PCDH11X: variants seen among roughly 807,000 people sequenced by gnomAD.
PCDH11X encodes the protein protocadherin 11 X-linked, also known as protocadherin-11 X-linked.
A neutral mutation model predicts 53.3 loss-of-function variants in PCDH11X; 18 were observed. The ratio of observed to expected loss-of-function variants is 0.34; its 90% CI spans 0.23 to 0.50. PCDH11X has a LOEUF of 0.50. Ranked by LOEUF, PCDH11X falls within the 20% of genes least tolerant of loss-of-function variation. The probability of loss-of-function intolerance (pLI) is 0.98; values close to 1 mark genes in which losing one functional copy is unlikely to be tolerated. For synonymous variants in PCDH11X, 279 were observed against 393.3 expected (o/e 0.71, Z 3.44); for missense variants, 570 against 1,032.4 (o/e 0.55, Z 6.14).
At chrX:92,072,521 G>T (rs901773862) in intron 6 of PCDH11X, among the ~76,000 whole-genome samples, 1 of 111,166 alleles carries the variant, frequency 9.0e-6, no homozygotes, top group Admixed American at 9.5e-5. Flanking sequence ...ATGCTGACAG[G>T]ACTGCATCCT....
At chrX:92,101,659 G>C (rs191808733) in intron 6 of PCDH11X, among the ~76,000 whole-genome samples, 1 of 109,956 alleles carries the variant, frequency 9.1e-6, no homozygotes, top group African/African-American at 3.4e-5. Context: ...GGCCTTCTCA[G>C]ACCCTGTAGG....
At chrX:92,136,835 C>G (rs1054741291) in intron 6 of PCDH11X, among the ~76,000 whole-genome samples, 1 of 109,314 alleles carries the variant, frequency 9.1e-6, no homozygotes, top group Non-Finnish European at 1.9e-5. Flanking sequence ...AACAGGATCA[C>G]TTTATCTACT....
At chrX:91,948,100 G>T (rs772059929) in intron 6 of PCDH11X, among the ~76,000 whole-genome samples, 1 of 102,822 alleles carries the variant, frequency 9.7e-6, no homozygotes, top group African/African-American at 3.4e-5. Flanking sequence ...CATGTAAGCA[G>T]TCTTACTATT....
intron 6 of PCDH11X, among the ~76,000 whole-genome samples, chrX:92,062,024 A>G (rs941670014): frequency 2.7e-5 from 3 of 110,882 alleles, no homozygotes; most frequent in African/African-American, 6.6e-5. Context: ...CATAGTAGAG[A>G]CATTTCATTT....
chrX:92,406,167 T>C (rs2071509677), intron 9 of PCDH11X, among the ~76,000 whole-genome samples: 1 of 109,994 alleles, frequency 9.1e-6, no homozygotes, highest in South Asian at 3.9e-4. Flanking sequence ...CATTTATTTA[T>C]ATGCATATAG....
In PCDH11X at chrX:92,621,885, T is replaced by C. The variant is rs2148825264; in HGVS notation, c.*2945T>C. 1 of 110,665 alleles carries C rather than the reference T, an allele frequency of 9.0e-6. No individual in the cohort carries two copies. The highest frequency in any genetic ancestry group is 3.3e-5 in the African/African-American group (1 of 30,445). 9.1% of individuals were successfully genotyped at this position (110,665 alleles called of 1,213,427 possible). Reference sequence around the variant, plus strand: ...ATAATACGTTCAATCAAAGTAGTTATTCTATTTTGTGTCCATATTCCATTA... The same window carrying C: ...ATAATACGTTCAATCAAAGTAGTTACTCTATTTTGTGTCCATATTCCATTA... On this transcript the variant is annotated 3_prime_UTR_variant, in exon 11 of 11. Transcript: ENST00000682573.
chrX:91,813,592 A>G (rs2563667), intron 4 of PCDH11X, among the ~76,000 whole-genome samples: 8,010 of 103,737 alleles, frequency 0.077, 1,374 homozygotes, highest in African/African-American at 0.31. Context: ...GCTAGGCCTC[A>G]GAGTTTAGAT....
intron 4 of PCDH11X, among the ~76,000 whole-genome samples, chrX:91,818,705 A>C (rs1936534373): frequency 9.1e-6 from 1 of 109,935 alleles, no homozygotes; most frequent in Non-Finnish European, 1.9e-5. Flanking sequence ...TCTCAAAAAA[A>C]AAAAAAATGT....
chrX:92,440,026 G>A (rs1388627031), intron 9 of PCDH11X, among the ~76,000 whole-genome samples: 1 of 88,797 alleles, frequency 1.1e-5, no homozygotes, highest in Non-Finnish European at 2.3e-5. Context: ...TTATTATGGA[G>A]TGTGAACATG....
intron 8 of PCDH11X, among the ~76,000 whole-genome samples, chrX:92,332,939 A>G (rs1284801540): frequency 8.9e-6 from 1 of 112,218 alleles, no homozygotes; most frequent in African/African-American, 3.2e-5. Context: ...TGGAAACTTA[A>G]CAACTTGGGT....
chrX:92,143,660 G>A (rs145718840), intron 6 of PCDH11X, among the ~76,000 whole-genome samples: 2,073 of 112,469 alleles, frequency 0.018, 38 homozygotes, highest in African/African-American at 0.062. Context: ...CTGCAGGGGC[G>A]GGGTACTCAT....
chrX:92,495,279 T>C (rs1416448903), intron 10 of PCDH11X, among the ~76,000 whole-genome samples: 1 of 110,162 alleles, frequency 9.1e-6, no homozygotes. Flanking sequence ...ACAATCCAGA[T>C]AATCTTAGGT....
intron 6 of PCDH11X, among the ~76,000 whole-genome samples, chrX:92,151,580 CATATT>C (rs1202640486): frequency 9.0e-6 from 1 of 111,376 alleles, no homozygotes; most frequent in East Asian, 2.8e-4. Context: ...TGTTAATTGG[CATATT>C]ATATTTATTT....
At chrX:92,386,104 C>T (rs1453488794) in intron 8 of PCDH11X, among the ~76,000 whole-genome samples, 1 of 111,396 alleles carries the variant, frequency 9.0e-6, no homozygotes, top group Non-Finnish European at 1.9e-5. Flanking sequence ...TTACATATTA[C>T]ATGCATTAGT....
chrX:92,528,930 G>T (rs764701580), intron 10 of PCDH11X, among the ~76,000 whole-genome samples: 1 of 110,275 alleles, frequency 9.1e-6, no homozygotes, highest in East Asian at 2.9e-4. Flanking sequence ...GTGCAGGATT[G>T]ATAAAGGTCA....
At chrX:92,244,714 T>C (rs2067316866) in intron 7 of PCDH11X, among the ~76,000 whole-genome samples, 1 of 111,558 alleles carries the variant, frequency 9.0e-6, no homozygotes, top group African/African-American at 3.3e-5. Context: ...AACAAAGTAG[T>C]TGGAGTAATT....
At chrX:92,079,558 G>A (rs1381539885) in intron 6 of PCDH11X, among the ~76,000 whole-genome samples, 2 of 110,314 alleles carry the variant, frequency 1.8e-5, no homozygotes, top group African/African-American at 3.3e-5. Context: ...ACTTATGAAG[G>A]CCATTTTCTC....
chrX:91,928,511 A>G (rs1602509896), intron 6 of PCDH11X, among the ~76,000 whole-genome samples: 1 of 96,520 alleles, frequency 1.0e-5, no homozygotes, highest in Non-Finnish European at 2.1e-5. Context: ...ATTTTATTAT[A>G]TTTACTAAAC....
chrX:91,965,600 T>G (rs1469186219), intron 6 of PCDH11X, among the ~76,000 whole-genome samples: 4 of 107,663 alleles, frequency 3.7e-5, no homozygotes, highest in African/African-American at 7.0e-5. Context: ...ATGAAGTCAT[T>G]TTTACAATTT....
Sources: gnomAD v4.1 joint callset for allele counts (sites outside exome capture counted in the v4.1 genomes callset) on GRCh38, gnomAD v4.1.1 for gene constraint, MANE v1.5 for transcripts, NCBI Gene and HGNC (gene_info 2026-07-23, HGNC 2026-07-21) for gene names.